The following LRRC4C variants were observed in gnomAD, a reference collection of about 807,000 sequenced individuals.
LRRC4C encodes the protein leucine-rich repeat-containing protein 4C.
A neutral mutation model predicts 33.6 loss-of-function variants in LRRC4C; 5 were observed. That is an observed-to-expected ratio of 0.15 (90% CI 0.08 to 0.31). The LOEUF (loss-of-function observed/expected upper bound fraction) is 0.31. Among genes scored for constraint, LRRC4C ranks in the 10% least tolerant of loss-of-function variants. The pLI is 1.00. For missense variants in LRRC4C, 560 were observed against 796.7 expected (o/e 0.70, Z 3.58); for synonymous variants, 329 against 302.0 (o/e 1.09, Z -0.93).
intron 2 of LRRC4C, among the ~76,000 whole-genome samples, chr11:40,662,688 A>C (rs1291411877): frequency 2.6e-5 from 4 of 152,222 alleles, no homozygotes; most frequent in Non-Finnish European, 5.9e-5. Flanking sequence ...GGTGAGGATC[A>C]GGGCTCTAGA....
chr11:40,595,441 C>A (rs936245620), intron 3 of LRRC4C, among the ~76,000 whole-genome samples: 1 of 152,034 alleles, frequency 6.6e-6, no homozygotes, highest in Non-Finnish European at 1.5e-5. Flanking sequence ...GCCCAGTAGT[C>A]CAAATCATTC....
At chr11:41,044,291 A>G (rs1857627945) in intron 1 of LRRC4C, among the ~76,000 whole-genome samples, 1 of 152,176 alleles carries the variant, frequency 6.6e-6, no homozygotes, top group African/African-American at 2.4e-5. Flanking sequence ...GCATAAAAAA[A>G]TGAATCTTCA....
chr11:40,615,325 A>T (rs1189001512), intron 3 of LRRC4C, among the ~76,000 whole-genome samples: 1 of 149,018 alleles, frequency 6.7e-6, no homozygotes, highest in African/African-American at 2.5e-5. Flanking sequence ...GCTTTTTCTT[A>T]TTAAGAAGTC....
intron 2 of LRRC4C, among the ~76,000 whole-genome samples, chr11:40,673,106 G>GT (rs769608891): frequency 1.0e-3 from 158 of 151,448 alleles, no homozygotes; most frequent in Non-Finnish European, 1.8e-3. Context: ...AGTCATGCAT[G>GT]TTTTTTTTGG....
intron 3 of LRRC4C, among the ~76,000 whole-genome samples, chr11:40,595,249 CA>C (rs11418341): frequency 5.3e-5 from 8 of 150,404 alleles, no homozygotes; most frequent in Admixed American, 6.6e-5. Flanking sequence ...TAGAGATCTG[CA>C]AAAAAAAATC....
intron 1 of LRRC4C, among the ~76,000 whole-genome samples, chr11:40,984,870 C>T (rs1053962629): frequency 1.4e-5 from 2 of 140,678 alleles, no homozygotes; most frequent in East Asian, 2.1e-4. Context: ...CACATTATCA[C>T]GACAACTCTG....
intron 3 of LRRC4C, among the ~76,000 whole-genome samples, chr11:40,598,773 A>G (rs1284320794): frequency 6.6e-6 from 1 of 152,188 alleles, no homozygotes; most frequent in Non-Finnish European, 1.5e-5. Flanking sequence ...ATTCCTCTGC[A>G]TCCATTTTGC....
chr11:41,180,795 G>A (rs1945412086), intron 1 of LRRC4C, among the ~76,000 whole-genome samples: 2 of 151,800 alleles, frequency 1.3e-5, no homozygotes, highest in South Asian at 4.2e-4. Context: ...TAGCTAATTG[G>A]TATCATTATC....
chr11:40,387,735 G>A (rs10837395), intron 3 of LRRC4C, among the ~76,000 whole-genome samples: 55,656 of 152,000 alleles, frequency 0.37, 10,976 homozygotes, highest in East Asian at 0.5. Context: ...AACAGTAGTA[G>A]TCCAGGTTAA....
chr11:40,688,436 C>T (rs1945067094), intron 2 of LRRC4C, among the ~76,000 whole-genome samples: 1 of 152,108 alleles, frequency 6.6e-6, no homozygotes, highest in Non-Finnish European at 1.5e-5. Flanking sequence ...CTTTTACTTA[C>T]TTAACCATTT....
chr11:40,919,745 A>G (rs1957099080), intron 2 of LRRC4C, among the ~76,000 whole-genome samples: 1 of 152,178 alleles, frequency 6.6e-6, no homozygotes, highest in Non-Finnish European at 1.5e-5. Flanking sequence ...TAATAAATGC[A>G]AATCAGTAAT....
rs573575432 is a variant in LRRC4C, at chr11:40,601,528, G to GA, written c.-270+46613dup. ...TAGGGAACATAAATCTGTATTAAAG[G>GA]AAAAAAAGTGGCCAGGTGATTACTG... On this transcript the variant is annotated intron_variant, in intron 3 of 6. Transcript: ENST00000528697. Among the ~76,000 whole-genome samples the GA allele has an allele frequency of 9.1e-4, 139 of 152,126 alleles. 1 individual carries two copies. Among genetic ancestry groups the GA allele is most frequent in the East Asian group, 3.7e-3 (19 of 5,186 alleles).
intron 1 of LRRC4C, among the ~76,000 whole-genome samples, chr11:41,200,736 C>G (rs2136260161): frequency 6.6e-6 from 1 of 152,242 alleles, no homozygotes; most frequent in South Asian, 2.1e-4. Flanking sequence ...AATATGGCCC[C>G]CCCAAAAACT....
intron 3 of LRRC4C, among the ~76,000 whole-genome samples, chr11:40,430,810 A>C (rs1243372583): frequency 6.6e-6 from 1 of 151,780 alleles, no homozygotes; most frequent in Non-Finnish European, 1.5e-5. Context: ...ACATGGATGA[A>C]ATTGGAAATC....
chr11:40,317,851 C>A (rs1339041567), intron 4 of LRRC4C, among the ~76,000 whole-genome samples: 4 of 152,088 alleles, frequency 2.6e-5, no homozygotes, highest in South Asian at 4.1e-4. Flanking sequence ...AACCAGGTTC[C>A]TCTTTTAGAG....
intron 3 of LRRC4C, among the ~76,000 whole-genome samples, chr11:40,609,333 G>C (rs1169998403): frequency 6.6e-6 from 1 of 151,732 alleles, no homozygotes; most frequent in Non-Finnish European, 1.5e-5. Context: ...GGTCAAAGAA[G>C]AAATAAAAAT....
At chr11:40,393,832 T>C (rs1193152975) in intron 3 of LRRC4C, among the ~76,000 whole-genome samples, 2 of 152,246 alleles carry the variant, frequency 1.3e-5, no homozygotes, top group East Asian at 1.9e-4. Flanking sequence ...AGAGACATTA[T>C]GAGATTTGAT....
At chr11:40,655,359 C>G (rs954574034) in intron 2 of LRRC4C, among the ~76,000 whole-genome samples, 2 of 152,110 alleles carry the variant, frequency 1.3e-5, no homozygotes, top group Non-Finnish European at 2.9e-5. Context: ...TTGAAGTAAA[C>G]TCAAGGAGGT....
chr11:41,073,056 T>TA (rs1938828802), intron 1 of LRRC4C, among the ~76,000 whole-genome samples: 1 of 152,148 alleles, frequency 6.6e-6, no homozygotes, highest in Non-Finnish European at 1.5e-5. Context: ...AAGATAAAAT[T>TA]TTTCTGGGAA....
Sources: allele counts gnomAD v4.1 joint callset (sites outside exome capture counted in the v4.1 genomes callset), GRCh38; gene constraint gnomAD v4.1.1; transcripts MANE v1.5; gene names NCBI Gene and HGNC (gene_info 2026-07-23, HGNC 2026-07-21).